Variants in SHROOM4 observed in about 807,000 individuals in gnomAD.
SHROOM4 encodes the protein protein Shroom4.
Under a neutral mutation model 80.3 loss-of-function variants are expected in SHROOM4, and 17 were observed. That is an observed-to-expected ratio of 0.21 (90% CI 0.14 to 0.32). The LOEUF is 0.32. Ranked by LOEUF, SHROOM4 falls within the 10% of genes least tolerant of loss-of-function variation. SHROOM4 has a pLI of 1.00. For missense variants in SHROOM4, 993 were observed against 1,140.3 expected, an observed-to-expected ratio of 0.87 and a Z score of 1.86; for synonymous variants, 400 against 437.5, an observed-to-expected ratio of 0.91 and a Z score of 1.07.
At chrX:50,610,350 T>A (rs868946262) in intron 5 of SHROOM4, among the ~76,000 whole-genome samples, 16 of 64,472 alleles carry the variant, frequency 2.5e-4, no homozygotes, top group African/African-American at 1.2e-3. Context: ...TCTCTCTCTC[T>A]CTCACACACA....
the SHROOM4 span, among the ~76,000 whole-genome samples, chrX:50,577,644 A>G: frequency 8.9e-6 from 1 of 112,106 alleles, no homozygotes; most frequent in Non-Finnish European, 1.9e-5. Context: ...AAGCTTTAAA[A>G]GTTTTGTTCT....
chrX:50,631,949 G>A (rs1360001439), intron 4 of SHROOM4, among the ~76,000 whole-genome samples: 1 of 111,798 alleles, frequency 8.9e-6, no homozygotes, highest in Non-Finnish European at 1.9e-5. Context: ...ATTAAATAAA[G>A]TTTAATATTT....
At chrX:50,729,911 A>G (rs1934330044) in intron 1 of SHROOM4, among the ~76,000 whole-genome samples, 1 of 111,808 alleles carries the variant, frequency 8.9e-6, no homozygotes, top group Admixed American at 9.5e-5. Flanking sequence ...TTCAAAAATG[A>G]AGGCAAAATA....
At chrX:50,805,872 T>A (rs1351857574) in intron 1 of SHROOM4, among the ~76,000 whole-genome samples, 2 of 111,394 alleles carry the variant, frequency 1.8e-5, no homozygotes, top group East Asian at 5.7e-4. Context: ...GATTCTGTTA[T>A]GATTTGCTGA....
chrX:50,625,318 G>A (rs1419490734), intron 5 of SHROOM4, among the ~76,000 whole-genome samples: 1 of 112,010 alleles, frequency 8.9e-6, no homozygotes, highest in Non-Finnish European at 1.9e-5. Flanking sequence ...TATTAAGCTG[G>A]TGAAATATTA....
Position 50,667,546 on chromosome X carries a change from TA to T in SHROOM4, c.269+28239del, listed in dbSNP as rs1328455013. On this transcript the variant is annotated intron_variant, in intron 2 of 8. Coordinates refer to ENST00000376020, the MANE Select transcript of SHROOM4 (RefSeq NM_020717.5). ...AACTAGAACCCTTGGACATTATGTA[TA>T]AAACAAACATAAGATGACTCTCAGC... Among the ~76,000 whole-genome samples, 7 of 111,146 alleles carry T rather than the reference TA, an allele frequency of 6.3e-5. No homozygotes were observed. In the East Asian group the frequency reaches 2.0e-3, roughly 31 times the overall value.
rs200223588 is a variant in SHROOM4, at chrX:50,669,471, A to AT, written c.269+26314dup. ...CAGACATGCCACCACACCCAACTAA[A>AT]TTTTTTTTTTGTAGAGTTGGGGTTT... is the stretch of plus-strand genomic sequence containing the variant. On this transcript the variant is annotated intron_variant, in intron 2 of 8. Transcript: ENST00000376020. 8.1e-3 allele frequency among the ~76,000 whole-genome samples: 867 copies of AT among 106,951 alleles called. 11 individuals are homozygous for AT. The highest frequency in any genetic ancestry group is 0.025 in the African/African-American group (729 of 29,454). 92.9% of individuals were successfully genotyped at this position (106,951 alleles called of 115,157 possible). A position where few individuals can be genotyped will look rare whatever the true frequency, so the allele number is the denominator to read the frequency against.
At chrX:50,711,453 G>A (rs781901611) in intron 1 of SHROOM4, among the ~76,000 whole-genome samples, 170 of 111,832 alleles carry the variant, frequency 1.5e-3, no homozygotes, top group African/African-American at 5.4e-3. Context: ...AGAGATTTTG[G>A]ATACACAAGT....
chrX:50,648,721 C>CA (rs1298840530), intron 2 of SHROOM4, among the ~76,000 whole-genome samples: 6 of 111,997 alleles, frequency 5.4e-5, no homozygotes, highest in African/African-American at 9.7e-5. Flanking sequence ...GCCAGATTTG[C>CA]ATGAACAGAA....
At chrX:50,635,779 C>CAAAA in intron 3 of SHROOM4, 111 bp from the exon 4 acceptor site, 1 of 380,103 alleles carries the variant, frequency 2.6e-6, no homozygotes, top group Non-Finnish European at 4.2e-6. Context: ...GGAGGGTAGG[C>CAAAA]AAAAAAAAAA....
intron 1 of SHROOM4, among the ~76,000 whole-genome samples, chrX:50,767,818 T>C (rs1935311700): frequency 8.9e-6 from 1 of 112,052 alleles, no homozygotes; most frequent in African/African-American, 3.2e-5. Flanking sequence ...GAAACACCTT[T>C]GATCAAGAAA....
chrX:50,696,043 G>T, intron 1 of SHROOM4, 106 bp from the exon 2 acceptor site: 3 of 873,762 alleles, frequency 3.4e-6, no homozygotes, highest in Non-Finnish European at 4.9e-6. Flanking sequence ...CTGGGGAATG[G>T]CTCCAGGCAG....
intron 6 of SHROOM4, among the ~76,000 whole-genome samples, chrX:50,604,680 C>T (rs782513169): frequency 8.9e-6 from 1 of 111,880 alleles, no homozygotes; most frequent in Admixed American, 9.5e-5. Flanking sequence ...CTCAGTTCCC[C>T]AGCATACACA....
At chrX:50,666,332 T>A (rs1557260356) in intron 2 of SHROOM4, among the ~76,000 whole-genome samples, 1 of 111,844 alleles carries the variant, frequency 8.9e-6, no homozygotes, top group East Asian at 2.8e-4. Flanking sequence ...TTTACCCTGA[T>A]GAGTTATGGG....
chrX:50,616,037 G>A (rs1930220584), intron 5 of SHROOM4, among the ~76,000 whole-genome samples: 1 of 111,855 alleles, frequency 8.9e-6, no homozygotes, highest in Non-Finnish European at 1.9e-5. Flanking sequence ...TGTCAATGCC[G>A]TCCTTAGCTA....
intron 1 of SHROOM4, among the ~76,000 whole-genome samples, chrX:50,709,227 A>G (rs1206357434): frequency 1.8e-5 from 2 of 111,882 alleles, no homozygotes; most frequent in African/African-American, 6.5e-5. Flanking sequence ...CCAACTTTCT[A>G]TCCCTCACAA....
chrX:50,751,916 G>A (rs1228468134), intron 1 of SHROOM4, among the ~76,000 whole-genome samples: 1 of 111,864 alleles, frequency 8.9e-6, no homozygotes, highest in East Asian at 2.8e-4. Context: ...CATCTATAAA[G>A]TGGGTAAGAT....
intron 2 of SHROOM4, among the ~76,000 whole-genome samples, chrX:50,648,590 TGA>T (rs1423997770): frequency 2.7e-5 from 3 of 111,794 alleles, no homozygotes; most frequent in Non-Finnish European, 3.8e-5. Flanking sequence ...GCTAACAAAA[TGA>T]GAGTCAAAAG....
intron 2 of SHROOM4, among the ~76,000 whole-genome samples, chrX:50,682,961 G>A: frequency 9.0e-6 from 1 of 111,202 alleles, no homozygotes; most frequent in Non-Finnish European, 1.9e-5. Flanking sequence ...CAAATATAAA[G>A]CAGGCAGAAA....
Sources: gnomAD v4.1 joint callset for allele counts (sites outside exome capture counted in the v4.1 genomes callset) on GRCh38, gnomAD v4.1.1 for gene constraint, MANE v1.5 for transcripts, NCBI Gene and HGNC (gene_info 2026-07-23, HGNC 2026-07-21) for gene names.